Variants in SPOCK3 observed in about 807,000 individuals in gnomAD.
SPOCK3 encodes testican-3.
A neutral mutation model predicts 56.6 loss-of-function variants in SPOCK3; 30 were observed. The ratio of observed to expected loss-of-function variants is 0.53; its 90% CI spans 0.40 to 0.72. SPOCK3 has a LOEUF of 0.72. Among genes scored for constraint, SPOCK3 ranks in the 30% least tolerant of loss-of-function variants. The pLI is 0.00. For synonymous variants in SPOCK3, 196 were observed against 183.3 expected (o/e 1.07, Z -0.56); for missense variants, 527 against 530.0 (o/e 0.99, Z 0.06).
intron 2 of SPOCK3, among the ~76,000 whole-genome samples, chr4:167,112,291 T>C (rs1250431701): frequency 6.6e-6 from 1 of 152,050 alleles, no homozygotes; most frequent in Non-Finnish European, 1.5e-5. Context: ...GAGCAAAGTG[T>C]TCTAAAAATG....
chr4:167,055,793 G>A (rs1754755672), intron 3 of SPOCK3, among the ~76,000 whole-genome samples: 1 of 152,192 alleles, frequency 6.6e-6, no homozygotes, highest in South Asian at 2.1e-4. Context: ...AAACAAAGCA[G>A]CCAGGAAGCT....
At chr4:166,801,090 TATA>T (rs1277122917) in intron 6 of SPOCK3, among the ~76,000 whole-genome samples, 1 of 152,220 alleles carries the variant, frequency 6.6e-6, no homozygotes, top group Non-Finnish European at 1.5e-5. Context: ...AGCAACAGGC[TATA>T]CCATATAACC....
At chr4:166,844,282 G>T (rs1747823202) in intron 6 of SPOCK3, among the ~76,000 whole-genome samples, 1 of 152,208 alleles carries the variant, frequency 6.6e-6, no homozygotes, top group Admixed American at 6.5e-5. Flanking sequence ...AATAGGGTAT[G>T]ATATGCCTAC....
intron 4 of SPOCK3, among the ~76,000 whole-genome samples, chr4:166,922,997 G>A (rs1009455792): frequency 6.6e-6 from 1 of 152,248 alleles, no homozygotes; most frequent in Non-Finnish European, 1.5e-5. Context: ...TTTAAACAAC[G>A]AAATTTAATC....
chr4:166,844,998 C>T lies in SPOCK3; in HGVS notation c.589+44132G>A, dbSNP rs140468157. ...CTGAGGCAGAATACAAATGCATGTG[C>T]TGTTATCAAAGGTAAAAGATTTGTT... On this transcript the variant is annotated intron_variant, in intron 6 of 10. Transcript: ENST00000357545. 1.4e-4 allele frequency among the ~76,000 whole-genome samples: 21 copies of T among 152,292 alleles called. No homozygotes were observed. In the East Asian group the frequency reaches 2.9e-3, roughly 21 times the overall value.
chr4:167,179,185 T>A (rs543597663), intron 2 of SPOCK3, among the ~76,000 whole-genome samples: 211 of 152,266 alleles, frequency 1.4e-3, no homozygotes, highest in African/African-American at 4.8e-3. Context: ...TGATTAGATA[T>A]TATGTTTCAT....
intron 4 of SPOCK3, among the ~76,000 whole-genome samples, chr4:166,985,867 A>G (rs1348609746): frequency 6.6e-6 from 1 of 152,150 alleles, no homozygotes; most frequent in African/African-American, 2.4e-5. Flanking sequence ...AACATTTCCA[A>G]TTTGGTTTAG....
rs56284627 is a variant in SPOCK3 at position 167,065,037 on chromosome 4, C to CAAAAAAAAAAAAAAAAAAA, written c.190-2519_190-2501dup. ...CTATTTTCAAATCCAATGCCCTCTC[C>CAAAAAAAAAAAAAAAAAAA]AAAAAAAAAAAAAAAAAAAAAAAGT... On this transcript the variant is annotated intron_variant, in intron 2 of 10. Transcript: ENST00000357545. Among the ~76,000 whole-genome samples, 523 of 64,012 alleles carry CAAAAAAAAAAAAAAAAAAA rather than the reference C, an allele frequency of 8.2e-3. 29 individuals carry two copies. Among genetic ancestry groups the CAAAAAAAAAAAAAAAAAAA allele is most frequent in the Middle Eastern group, 0.012 (1 of 86 alleles). 42.0% of individuals were successfully genotyped at this position (64,012 alleles called of 152,430 possible).
intron 10 of SPOCK3, among the ~76,000 whole-genome samples, chr4:166,736,305 G>T (rs1463982582): frequency 3.3e-5 from 5 of 152,020 alleles, no homozygotes. Context: ...ACATAAAAAA[G>T]TTATGTATCC....
chr4:166,956,740 C>G (rs527707999), intron 4 of SPOCK3, among the ~76,000 whole-genome samples: 1 of 152,098 alleles, frequency 6.6e-6, no homozygotes, highest in East Asian at 1.9e-4. Flanking sequence ...CCTCTCATAC[C>G]CAACGCCCTC....
intron 5 of SPOCK3, among the ~76,000 whole-genome samples, chr4:166,899,915 A>G (rs879113544): frequency 3.3e-5 from 5 of 152,164 alleles, no homozygotes; most frequent in Admixed American, 1.3e-4. Context: ...TACCACCAAA[A>G]TGTAGGCCCA....
At chr4:167,110,105 T>C (rs969728699) in intron 2 of SPOCK3, among the ~76,000 whole-genome samples, 12 of 152,046 alleles carry the variant, frequency 7.9e-5, no homozygotes, top group African/African-American at 2.7e-4. Flanking sequence ...CAAAGTTGCA[T>C]GTAGTTGGAG....
chr4:166,945,086 C>G (rs1052985243), intron 4 of SPOCK3, among the ~76,000 whole-genome samples: 5 of 152,060 alleles, frequency 3.3e-5, no homozygotes, highest in African/African-American at 1.2e-4. Context: ...CTTTCTGGAA[C>G]AATAAGATGT....
intron 2 of SPOCK3, among the ~76,000 whole-genome samples, chr4:167,083,852 T>C (rs1757940991): frequency 6.6e-6 from 1 of 152,156 alleles, no homozygotes. Flanking sequence ...TCAGGGCTTT[T>C]AAACCTAAAT....
intron 6 of SPOCK3, among the ~76,000 whole-genome samples, chr4:166,841,087 T>G (rs1747245995): frequency 2.6e-5 from 4 of 151,922 alleles, no homozygotes; most frequent in African/African-American, 9.7e-5. Flanking sequence ...CCGCAGAAGT[T>G]TTTTTTTACT....
intron 7 of SPOCK3, among the ~76,000 whole-genome samples, chr4:166,784,356 G>T (rs62355211): frequency 0.19 from 28,261 of 151,866 alleles, 2,713 homozygotes; most frequent in East Asian, 0.27. Flanking sequence ...CGTTAATTTA[G>T]CTATATATGA....
At chr4:167,213,807 A>G (rs1208638239) in intron 2 of SPOCK3, among the ~76,000 whole-genome samples, 1 of 150,618 alleles carries the variant, frequency 6.6e-6, no homozygotes, top group Non-Finnish European at 1.5e-5. Context: ...AAATTTTACA[A>G]AAGAGCACAA....
chr4:166,954,828 C>T (rs993617328), intron 4 of SPOCK3, among the ~76,000 whole-genome samples: 3 of 152,198 alleles, frequency 2.0e-5, no homozygotes, highest in Non-Finnish European at 2.9e-5. Context: ...CCCCCACCCG[C>T]AGGTCCAGGC....
intron 2 of SPOCK3, among the ~76,000 whole-genome samples, chr4:167,147,522 A>G (rs12501351): frequency 0.55 from 83,033 of 151,960 alleles, 22,805 homozygotes; most frequent in East Asian, 0.67. Flanking sequence ...TATGTTTATT[A>G]TGACACTGTT....
Sources: gnomAD v4.1 joint callset for allele counts (sites outside exome capture counted in the v4.1 genomes callset) on GRCh38, gnomAD v4.1.1 for gene constraint, MANE v1.5 for transcripts, NCBI Gene and HGNC (gene_info 2026-07-23, HGNC 2026-07-21) for gene names.